Variants in ATG4B observed in about 807,000 individuals in gnomAD.
ATG4B encodes the protein cysteine protease ATG4B.
Under a neutral mutation model 56.6 loss-of-function variants are expected in ATG4B, and 29 were observed. That is an observed-to-expected ratio of 0.51 (90% CI 0.38 to 0.70). The LOEUF (loss-of-function observed/expected upper bound fraction) is 0.70. ATG4B is among the 30% of genes least tolerant of loss of function. ATG4B has a pLI of 0.00. For synonymous variants in ATG4B, 224 were observed against 206.1 expected, an observed-to-expected ratio of 1.09 and a Z score of -0.74; for missense variants, 461 against 515.5, an observed-to-expected ratio of 0.89 and a Z score of 1.02.
chr2:241,668,820 C>A lies in ATG4B; in HGVS notation c.957+135C>A. 7.5e-7 allele frequency: 1 copy of A among 1,329,258 alleles called. No individual in the cohort carries two copies. Among genetic ancestry groups the A allele is most frequent in the Non-Finnish European group, 1.0e-6 (1 of 982,402 alleles). 82.3% of individuals were successfully genotyped at this position (1,329,258 alleles called of 1,614,324 possible). On this transcript the variant is annotated intron_variant, in intron 10 of 12. Transcript: ENST00000404914. This position sits in a 1 kb window ranked among gnomAD's most constrained non-coding sequence, Gnocchi z 4.2. Reference sequence around the variant, plus strand: ...GTACTGTGTTCACGTGGTTGGGAATCTGAAGGGTATAAGAGCCGGAACTGT... The same window carrying A: ...GTACTGTGTTCACGTGGTTGGGAATATGAAGGGTATAAGAGCCGGAACTGT...
intron 6 of ATG4B, chr2:241,655,581 T>C: frequency 1.8e-6 from 1 of 552,894 alleles, no homozygotes; most frequent in Admixed American, 3.2e-5. Context: ...CCTTGTTCTT[T>C]GCTGCATGGA....
rs755871757 is a variant in ATG4B, at chr2:241,637,697, G to T, written c.-18G>T. 1 of 1,584,338 alleles carries T rather than the reference G, an allele frequency of 6.3e-7. No homozygotes were observed. The highest frequency in any genetic ancestry group is 2.4e-5 in the East Asian group (1 of 40,824). ...CGGAGCGACGCCGCTCGGGTCAGTCGGCGGCCGGACTGGGAAGATGGACGC... is the reference window on the plus strand; with the variant it reads ...CGGAGCGACGCCGCTCGGGTCAGTCTGCGGCCGGACTGGGAAGATGGACGC... On this transcript the variant is annotated 5_prime_UTR_variant, in exon 1 of 13. Coordinates refer to ENST00000404914, the MANE Select transcript of ATG4B (RefSeq NM_013325.5).
At position 241,673,755 on chromosome 2, in the gene ATG4B, C is replaced by T. The variant is rs1394500008; in HGVS notation, c.*1491C>T. ...CACCTTGACCAAAGGGGAGCTTTGTCTCGTGTGTTTTGAAAAAGGCTTAAT... is the reference window on the plus strand; with the variant it reads ...CACCTTGACCAAAGGGGAGCTTTGTTTCGTGTGTTTTGAAAAAGGCTTAAT... On this transcript the variant is annotated 3_prime_UTR_variant, in exon 13 of 13. Coordinates refer to ENST00000404914, the MANE Select transcript of ATG4B (RefSeq NM_013325.5). 3 of 454,934 alleles carry T rather than the reference C, an allele frequency of 6.6e-6. No homozygotes were observed. In the East Asian group the frequency reaches 2.1e-4, roughly 32 times the overall value. The allele number at this position is 454,934 out of a possible 1,614,324, so 28.2% of individuals were successfully genotyped here.
Position 241,671,489 on chromosome 2 carries a change from A to G in ATG4B, c.1108+84A>G, listed in dbSNP as rs892698261. ...CCCAGTCCTGGCCCCCTTGGTTTTG[A>G]CCATTAAGGTGTGTGTGAGCCTGAG... On this transcript the variant is annotated intron_variant, in intron 12 of 12. Coordinates refer to ENST00000404914, the MANE Select transcript of ATG4B (RefSeq NM_013325.5). The G allele has an allele frequency of 6.4e-6, 10 of 1,566,568 alleles. No homozygotes were observed. In the Admixed American group the frequency reaches 1.9e-4, roughly 30 times the overall value.
In ATG4B at chr2:241,668,414, C is replaced by T; in HGVS notation, c.812-126C>T. 7.0e-7 allele frequency: 1 copy of T among 1,438,764 alleles called. No individual in the cohort carries two copies. 89.1% of individuals were successfully genotyped at this position (1,438,764 alleles called of 1,614,324 possible). A position where few individuals can be genotyped will look rare whatever the true frequency, so the allele number is the denominator to read the frequency against. ...CCTGATGGTCTGGTGCCCTCGGCTC[C>T]CTCCCCACCTCCTGCCCACTGCTTC... On this transcript the variant is annotated intron_variant, in intron 9 of 12. Transcript: ENST00000404914. This position sits in a 1 kb window ranked among gnomAD's most constrained non-coding sequence, Gnocchi z 4.2.
intron 7 of ATG4B, among the ~76,000 whole-genome samples, chr2:241,661,794 C>T (rs2068602024): frequency 6.6e-6 from 1 of 152,072 alleles, no homozygotes; most frequent in South Asian, 2.1e-4. Context: ...CAGTCAAAGG[C>T]CAGCCAGGAC....
intron 1 of ATG4B, among the ~76,000 whole-genome samples, chr2:241,638,787 A>G (rs1391203578): frequency 6.6e-6 from 1 of 152,236 alleles, no homozygotes; most frequent in African/African-American, 2.4e-5. Flanking sequence ...CCTAAGGAGC[A>G]TGTTGACCAG....
chr2:241,665,140 C>A (rs991255338), intron 7 of ATG4B, among the ~76,000 whole-genome samples: 1 of 152,208 alleles, frequency 6.6e-6, no homozygotes, highest in African/African-American at 2.4e-5. Flanking sequence ...TTAAAAAGTT[C>A]TGTCTCAGAA....
At chr2:241,640,210 G>C (rs1251508087) in intron 1 of ATG4B, among the ~76,000 whole-genome samples, 1 of 152,210 alleles carries the variant, frequency 6.6e-6, no homozygotes, top group African/African-American at 2.4e-5. Context: ...CAACTGTGTT[G>C]ACATGGTGAT....
chr2:241,671,728 G>T, intron 12 of ATG4B: 1 of 1,313,798 alleles, frequency 7.6e-7, no homozygotes, highest in Non-Finnish European at 9.8e-7. Flanking sequence ...GTCCTGGGTG[G>T]GGGACTGGTT....
chr2:241,667,869 C>T, intron 8 of ATG4B: 1 of 449,236 alleles, frequency 2.2e-6, no homozygotes. Context: ...CCCCTGCTCA[C>T]ATCTCCTGCC....
intron 10 of ATG4B, chr2:241,670,486 C>T (rs2068930124): frequency 6.8e-6 from 4 of 589,328 alleles, no homozygotes; most frequent in Admixed American, 3.0e-5. Flanking sequence ...ATCTCGTGGG[C>T]GAATCAAGGC....
At chr2:241,665,311 A>G (rs1575085548) in intron 7 of ATG4B, among the ~76,000 whole-genome samples, 1 of 152,210 alleles carries the variant, frequency 6.6e-6, no homozygotes, top group East Asian at 1.9e-4. Context: ...TGAGAGCCAC[A>G]CAGCCTCATC....
intron 4 of ATG4B, 76 bp from the exon 5 acceptor site, chr2:241,654,470 T>G: frequency 1.1e-6 from 1 of 893,756 alleles, no homozygotes; most frequent in Non-Finnish European, 1.8e-6. Context: ...GGATGCCATC[T>G]GTATCTTTAG....
Position 241,653,622 on chromosome 2 carries a change from C to T in ATG4B, c.283+12C>T, listed in dbSNP as rs1346806880. 1.3e-5 allele frequency: 21 copies of T among 1,558,074 alleles called. No individual in the cohort carries two copies. The highest frequency in any genetic ancestry group is 5.9e-5 in the South Asian group (5 of 84,426). On this transcript the variant is annotated intron_variant, in intron 4 of 12. Coordinates refer to ENST00000404914, the MANE Select transcript of ATG4B (RefSeq NM_013325.5). ...GCACCTAGGCCGAGGTGAGTCACAG[C>T]CCTGGGGAGGGCGCATGGCCACGGT...
chr2:241,651,447 C>A lies in ATG4B; in HGVS notation c.184+112C>A. On this transcript the variant is annotated intron_variant, in intron 3 of 12. Coordinates refer to ENST00000404914, the MANE Select transcript of ATG4B (RefSeq NM_013325.5). The surrounding 1 kb of genome is among the most constrained non-coding windows in gnomAD (Gnocchi z 4.1). ...GCCACTGACTTCATTTGAATCTTCA[C>A]AGCAATCCTGCTTAACTGAATTGGC... The A allele has an allele frequency of 1.2e-6, 1 of 851,302 alleles. No homozygotes were observed. Among genetic ancestry groups the A allele is most frequent in the South Asian group, 1.7e-5 (1 of 58,584 alleles). The allele number at this position is 851,302 out of a possible 1,614,324, so 52.7% of individuals were successfully genotyped here.
chr2:241,672,050 A>G, intron 12 of ATG4B, 141 bp from the exon 13 acceptor site: 1 of 1,379,400 alleles, frequency 7.2e-7, no homozygotes, highest in Non-Finnish European at 9.5e-7. Context: ...CAACCCCCGG[A>G]CCTGTTCACA....
rs756748662 is a variant in ATG4B at position 241,651,492 on chromosome 2, G to C, written c.184+157G>C. On this transcript the variant is annotated intron_variant, in intron 3 of 12. Coordinates refer to ENST00000404914, the MANE Select transcript of ATG4B (RefSeq NM_013325.5). The surrounding 1 kb of genome is among the most constrained non-coding windows in gnomAD (Gnocchi z 4.1). ...ATTGGCCGAGGCCTCACGTGTAGTAGTGGCAAAGCTAGAATCCACGGCGCC... is the reference window on the plus strand; with the variant it reads ...ATTGGCCGAGGCCTCACGTGTAGTACTGGCAAAGCTAGAATCCACGGCGCC... Among the ~76,000 whole-genome samples the C allele has an allele frequency of 3.9e-5, 6 of 152,228 alleles. No homozygotes were observed. The highest frequency in any genetic ancestry group is 5.9e-5 in the Non-Finnish European group (4 of 68,056).
chr2:241,670,715 T>G lies in ATG4B; in HGVS notation c.958-11T>G. On this transcript the variant is annotated splice_polypyrimidine_tract_variant and intron_variant, in intron 10 of 12. Coordinates refer to ENST00000404914, the MANE Select transcript of ATG4B (RefSeq NM_013325.5). Reference sequence around the variant, plus strand: ...GGGTGTCGTGTTCTGCTCATCGTCATTTCGTTTTAGGGGTTTTTCTGTAAG... The same window carrying G: ...GGGTGTCGTGTTCTGCTCATCGTCAGTTCGTTTTAGGGGTTTTTCTGTAAG... The G allele has an allele frequency of 6.2e-7, 1 of 1,606,830 alleles. No individual in the cohort carries two copies. The highest frequency in any genetic ancestry group is 8.5e-7 in the Non-Finnish European group (1 of 1,176,220).
Sources: allele counts gnomAD v4.1 joint callset (sites outside exome capture counted in the v4.1 genomes callset), GRCh38; gene constraint gnomAD v4.1.1; non-coding constraint Gnocchi (gnomAD v3.1); transcripts MANE v1.5; gene names NCBI Gene and HGNC (gene_info 2026-07-23, HGNC 2026-07-21).